The following QSER1 variants were observed in gnomAD, a reference collection of about 807,000 sequenced individuals.
QSER1 encodes glutamine and serine rich 1, also known as glutamine and serine-rich protein 1.
QSER1 carries 49 observed loss-of-function variants against 158.5 expected under a neutral mutation model. The observed-to-expected ratio is 0.31, with a 90% confidence interval of 0.25 to 0.39. The LOEUF (loss-of-function observed/expected upper bound fraction) is 0.39, where lower values mean the gene tolerates loss of function less well. QSER1 is among the 10% of genes least tolerant of loss of function. The probability of loss-of-function intolerance (pLI) is 1.00; values close to 1 mark genes in which losing one functional copy is unlikely to be tolerated. For missense variants in QSER1, 1,754 were observed against 2,010.3 expected (o/e 0.87, Z 2.44); for synonymous variants, 650 against 715.5 (o/e 0.91, Z 1.46).
chr11:32,939,384 CTTGAAGATCT>C (rs1340976985), intron 4 of QSER1, among the ~76,000 whole-genome samples: 1 of 151,972 alleles, frequency 6.6e-6, no homozygotes, highest in African/African-American at 2.4e-5. Context: ...TTCTGGGCTC[CTTGAAGATCT>C]TTTAAAACTT....
intron 4 of QSER1, among the ~76,000 whole-genome samples, chr11:32,948,335 C>G (rs1852369440): frequency 6.6e-6 from 1 of 152,198 alleles, no homozygotes; most frequent in African/African-American, 2.4e-5. Context: ...CTCTTAACCT[C>G]TAGAGCAAAT....
rs187578937 is a variant in QSER1 at position 32,963,916 on chromosome 11, T to G, written c.4970-2384T>G. On this transcript the variant is annotated intron_variant, in intron 8 of 12. Transcript: ENST00000650167. ...TCCTGGCCTCAAGCCATTGTCCTGC[T>G]TCAGCCTTCCAGAGTGCTGGGATTA... Among the ~76,000 whole-genome samples, 3 of 152,270 alleles carry G rather than the reference T, an allele frequency of 2.0e-5. No homozygotes were observed. The East Asian group carries it at 5.8e-4, about 29-fold the overall frequency.
rs545670414 is a variant in QSER1, at chr11:32,893,506, G to A, written c.209+172G>A. Among the ~76,000 whole-genome samples, 1 of 152,312 alleles carries A rather than the reference G, an allele frequency of 6.6e-6. No individual in the cohort carries two copies. Among genetic ancestry groups the A allele is most frequent in the Non-Finnish European group, 1.5e-5 (1 of 68,020 alleles). On this transcript the variant is annotated intron_variant, in intron 1 of 12. Coordinates refer to ENST00000650167, the MANE Select transcript of QSER1 (RefSeq NM_001076786.3). The surrounding 1 kb of genome is among the most constrained non-coding windows in gnomAD (Gnocchi z 4.7). ...GATGACTCCTACGGGGTGGTCGCGG[G>A]TAGGTGGGGGCGCCCGGTGCAGGAT...
At chr11:32,957,790 G>A in intron 7 of QSER1, 79 bp from the exon 8 acceptor site, 1 of 1,160,198 alleles carries the variant, frequency 8.6e-7, no homozygotes, top group South Asian at 1.5e-5. Context: ...CTTCTCCTGT[G>A]ATTCTCTTTT....
At chr11:32,967,033 C>A (rs914972442) in intron 9 of QSER1, among the ~76,000 whole-genome samples, 1 of 152,098 alleles carries the variant, frequency 6.6e-6, no homozygotes, top group East Asian at 1.9e-4. Context: ...TAAATAATAC[C>A]CAAGAGACAC....
At chr11:32,947,145 G>A (rs1310619826) in intron 4 of QSER1, among the ~76,000 whole-genome samples, 4 of 152,212 alleles carry the variant, frequency 2.6e-5, no homozygotes, top group Non-Finnish European at 1.5e-5. Flanking sequence ...TCCCTAGTGA[G>A]ATGAACCCGG....
At chr11:32,906,291 G>A (rs1407935178) in intron 1 of QSER1, among the ~76,000 whole-genome samples, 1 of 151,792 alleles carries the variant, frequency 6.6e-6, no homozygotes, top group Non-Finnish European at 1.5e-5. Flanking sequence ...GTGTGGTGGT[G>A]CATGCCTGTA....
chr11:32,959,376 A>G (rs1346510796), intron 8 of QSER1, among the ~76,000 whole-genome samples: 1 of 152,234 alleles, frequency 6.6e-6, no homozygotes, highest in Admixed American at 6.5e-5. Context: ...AGGGATGATG[A>G]AAGACCTTGT....
chr11:32,976,392 G>C lies in QSER1; in HGVS notation c.5513G>C (p.Cys1838Ser). The C allele has an allele frequency of 6.2e-7, 1 of 1,608,884 alleles. No homozygotes were observed. The highest frequency in any genetic ancestry group is 8.5e-7 in the Non-Finnish European group (1 of 1,178,416). Reference protein sequence around the residue: ...DLGQEEIVQLCMKNVKWVEDL... With the variant: ...DLGQEEIVQLSMKNVKWVEDL... ...GGACAGGAGGAAATTGTTCAACTTTGTATGAAAAATGTAAAATGGGTGGAG... is the reference window on the plus strand; with the variant it reads ...GGACAGGAGGAAATTGTTCAACTTTCTATGAAAAATGTAAAATGGGTGGAG... Residue 1838 changes from cysteine (C) to serine (S), a missense_variant, in exon 13 of 13, where the codon TGT (cysteine) becomes TCT (serine). Physicochemically the swap from Cys to Ser is moderately radical, Grantham distance 112. This residue lies in a region of QSER1 where 47 missense variants were observed against 90.7 expected (regional missense o/e 0.52). Coordinates refer to ENST00000650167, the MANE Select transcript of QSER1 (RefSeq NM_001076786.3).
chr11:32,968,398 A>T (rs772817599), intron 9 of QSER1, among the ~76,000 whole-genome samples: 2 of 152,224 alleles, frequency 1.3e-5, no homozygotes, highest in Non-Finnish European at 2.9e-5. Flanking sequence ...AAAACTAATT[A>T]TATTCTAAAA....
In QSER1 at chr11:32,933,663, C is replaced by T. The variant is rs1355412332; in HGVS notation, c.2405C>T (p.Thr802Ile). Residue 802 changes from threonine (T) to isoleucine (I), a missense_variant, in exon 4 of 13, where the codon ACT (threonine) becomes ATT (isoleucine). Physicochemically the swap from Thr to Ile is moderately conservative, Grantham distance 89 (BLOSUM62 -1). Around this residue, in one of 2 missense-constraint regions of QSER1, gnomAD observed 1,707 missense variants for 1,919.6 expected, o/e 0.89. Coordinates refer to ENST00000650167, the MANE Select transcript of QSER1 (RefSeq NM_001076786.3). Reference sequence around the variant, plus strand: ...CAGACTCCACAAATAAGGTTGAATACTAAAGACTTAAAGCAGCAACATCCT... The same window carrying T: ...CAGACTCCACAAATAAGGTTGAATATTAAAGACTTAAAGCAGCAACATCCT... Reference protein sequence around the residue: ...LIQTPQIRLNTKDLKQQHPLI... With the variant: ...LIQTPQIRLNIKDLKQQHPLI... 1 of 1,613,484 alleles carries T rather than the reference C, an allele frequency of 6.2e-7. No individual in the cohort carries two copies. Among genetic ancestry groups the T allele is most frequent in the Admixed American group, 1.7e-5 (1 of 59,896 alleles).
intron 6 of QSER1, 50 bp downstream of exon 6, chr11:32,955,462 G>A (rs75423226): frequency 0.025 from 20,717 of 835,178 alleles, 375 homozygotes; most frequent in South Asian, 0.037. Flanking sequence ...GTGGTCCTGA[G>A]AAAAACAATG....
chr11:32,916,889 C>A (rs1290784036), intron 1 of QSER1, among the ~76,000 whole-genome samples: 1 of 151,868 alleles, frequency 6.6e-6, no homozygotes, highest in Non-Finnish European at 1.5e-5. Flanking sequence ...CGGGTTCAAG[C>A]GATTCTCCTG....
At chr11:32,965,304 G>A (rs10082575) in intron 8 of QSER1, among the ~76,000 whole-genome samples, 2,409 of 151,646 alleles carry the variant, frequency 0.016, 66 homozygotes, top group African/African-American at 0.054. Context: ...TAATTGAAAC[G>A]ATGTCCCACT....
At chr11:32,923,536 G>C (rs149016770) in intron 1 of QSER1, among the ~76,000 whole-genome samples, 25 of 152,158 alleles carry the variant, frequency 1.6e-4, no homozygotes, top group Non-Finnish European at 3.1e-4. Flanking sequence ...AAATTAGCCT[G>C]GCGCAGTGGT....
chr11:32,919,138 TTTG>T (rs1194873318), intron 1 of QSER1, among the ~76,000 whole-genome samples: 1 of 152,150 alleles, frequency 6.6e-6, no homozygotes, highest in African/African-American at 2.4e-5. Flanking sequence ...TCCAGCTTAG[TTTG>T]TTGTTTTTGT....
chr11:32,909,966 C>T (rs1251929458), intron 1 of QSER1, among the ~76,000 whole-genome samples: 1 of 152,096 alleles, frequency 6.6e-6, no homozygotes, highest in East Asian at 1.9e-4. Context: ...CTTAAAAATC[C>T]TTTGGTTTTC....
chr11:32,906,816 T>C (rs987561322), intron 1 of QSER1, among the ~76,000 whole-genome samples: 6 of 152,180 alleles, frequency 3.9e-5, no homozygotes, highest in African/African-American at 1.4e-4. Context: ...TTTTAGCACA[T>C]GGTCAGTCTT....
chr11:32,958,529 G>A (rs112795483), intron 8 of QSER1, among the ~76,000 whole-genome samples: 3,216 of 152,172 alleles, frequency 0.021, 51 homozygotes, highest in Non-Finnish European at 0.033. Flanking sequence ...GGGACTATAG[G>A]TGTGCACCAC....
Sources: gnomAD v4.1 joint callset for allele counts (sites outside exome capture counted in the v4.1 genomes callset) on GRCh38, gnomAD v4.1.1 for gene constraint, gnomAD v4.1.1 regional missense constraint, Gnocchi (gnomAD v3.1) non-coding constraint, MANE v1.5 for transcripts, NCBI Gene and HGNC (gene_info 2026-07-23, HGNC 2026-07-21) for gene names.